Variants in AMOTL1 observed in about 807,000 individuals in gnomAD.
AMOTL1 encodes angiomotin like 1.
AMOTL1 carries 45 observed loss-of-function variants against 102.9 expected under a neutral mutation model. The ratio of observed to expected loss-of-function variants is 0.44; its 90% CI spans 0.34 to 0.56. The LOEUF (loss-of-function observed/expected upper bound fraction) is 0.56. Among genes scored for constraint, AMOTL1 ranks in the 20% least tolerant of loss-of-function variants. The probability of loss-of-function intolerance (pLI) is 0.01; values close to 1 mark genes in which losing one functional copy is unlikely to be tolerated. For missense variants in AMOTL1, 1,114 were observed against 1,225.6 expected, an observed-to-expected ratio of 0.91 and a Z score of 1.36; for synonymous variants, 481 against 484.7, an observed-to-expected ratio of 0.99 and a Z score of 0.10.
intron 3 of AMOTL1, among the ~76,000 whole-genome samples, chr11:94,757,470 T>G (rs1950740294): frequency 6.6e-6 from 1 of 152,160 alleles, no homozygotes; most frequent in South Asian, 2.1e-4. Flanking sequence ...TTTTAAAATC[T>G]GTAACTGCTT....
intron 2 of AMOTL1, among the ~76,000 whole-genome samples, chr11:94,798,007 G>C (rs1279860252): frequency 2.5e-4 from 38 of 152,172 alleles, no homozygotes; most frequent in Non-Finnish European, 7.3e-5. Flanking sequence ...GGGTTTGGAA[G>C]TGGGAATAAG....
At chr11:94,775,672 A>G (rs577962846) in intron 1 of AMOTL1, among the ~76,000 whole-genome samples, 5 of 152,332 alleles carry the variant, frequency 3.3e-5, no homozygotes, top group African/African-American at 4.8e-5. Context: ...CTTAATAGCC[A>G]TTTCCATCAC....
Position 94,831,521 on chromosome 11 carries a change from A to G in AMOTL1, c.1628A>G (p.Glu543Gly), listed in dbSNP as rs1952071696. 6.2e-7 allele frequency: 1 copy of G among 1,613,810 alleles called. No individual in the cohort carries two copies. Among genetic ancestry groups the G allele is most frequent in the African/African-American group, 1.3e-5 (1 of 74,934 alleles). The change falls in exon 6 of 13, where the codon GAG (glutamate) becomes GGG (glycine). Residue 543 changes from glutamate (E) to glycine (G), a missense_variant. Transcript: ENST00000433060. ...GAAGGGCATGAAGACAAAGCTGCAG[A>G]GGGGCATTATGCTTCCCAGAGTGAG... ...EYEGHEDKAA[E>G]GHYASQNKEF... is the part of the protein sequence containing the mutation.
At position 94,850,168 on chromosome 11, in the gene AMOTL1, G is replaced by T; in HGVS notation, c.1703G>T (p.Arg568Leu). 1 of 1,590,406 alleles carries T rather than the reference G, an allele frequency of 6.3e-7. No individual in the cohort carries two copies. The highest frequency in any genetic ancestry group is 1.3e-5 in the African/African-American group (1 of 74,658). Residue 568 changes from arginine to leucine, a missense_variant, in exon 7 of 13, where the codon CGG becomes CTG. Transcript: ENST00000433060. The stretch of plus-strand genomic sequence containing the variant: ...TTAGAAATGGAGTTAGCAGCAGTGC[G>T]GACTGCAAGTGAGGACCATCGGAGA... ...EKLEMELAAV[R>L]TASEDHRRHI... is the part of the protein sequence containing the mutation.
intron 11 of AMOTL1, 39 bp downstream of exon 11, chr11:94,866,207 C>T (rs746050717): frequency 2.5e-6 from 4 of 1,585,038 alleles, no homozygotes; most frequent in Non-Finnish European, 3.5e-6. Flanking sequence ...ATTGGAAAAG[C>T]AAGACCAGAC....
At chr11:94,839,248 G>C (rs1014173754) in intron 6 of AMOTL1, among the ~76,000 whole-genome samples, 1 of 152,240 alleles carries the variant, frequency 6.6e-6, no homozygotes, top group Non-Finnish European at 1.5e-5. Flanking sequence ...CAGACCGGCT[G>C]TGGTCATTTA....
intron 1 of AMOTL1, among the ~76,000 whole-genome samples, chr11:94,792,173 A>C (rs1951295163): frequency 6.6e-6 from 1 of 152,154 alleles, no homozygotes; most frequent in South Asian, 2.1e-4. Flanking sequence ...CTTTGTAGGG[A>C]TATGGGTGAA....
chr11:94,713,046 TTTTTG>T (rs1415902871), intron 1 of AMOTL1, among the ~76,000 whole-genome samples: 2 of 151,848 alleles, frequency 1.3e-5, no homozygotes, highest in Non-Finnish European at 2.9e-5. Context: ...TTTTTTTTGT[TTTTTG>T]TTTTGTTTTG....
chr11:94,802,445 A>G (rs1387351108), intron 3 of AMOTL1, among the ~76,000 whole-genome samples: 6 of 152,220 alleles, frequency 3.9e-5, no homozygotes, highest in Non-Finnish European at 7.3e-5. Context: ...AGTAATATGT[A>G]CATACCGTGC....
chr11:94,793,967 AAGG>A (rs1951324761), intron 1 of AMOTL1, among the ~76,000 whole-genome samples: 1 of 152,240 alleles, frequency 6.6e-6, no homozygotes, highest in Non-Finnish European at 1.5e-5. Flanking sequence ...GAAACTCAGG[AAGG>A]AGATGAGGAC....
At position 94,840,310 on chromosome 11, in the gene AMOTL1, A is replaced by C. The variant is rs1048322722; in HGVS notation, c.1648+8769A>C. ...GGATTCAGAGAACTTTTGAGGGGACAAAGTGTTTGTTTTAAGTCCAGAAAA... is the reference window on the plus strand; with the variant it reads ...GGATTCAGAGAACTTTTGAGGGGACCAAGTGTTTGTTTTAAGTCCAGAAAA... On this transcript the variant is annotated intron_variant, in intron 6 of 12. Coordinates refer to ENST00000433060, the MANE Select transcript of AMOTL1 (RefSeq NM_130847.3). Among the ~76,000 whole-genome samples, 5 of 152,190 alleles carry C rather than the reference A, an allele frequency of 3.3e-5. No individual in the cohort carries two copies. In the South Asian group the frequency reaches 8.3e-4, roughly 25 times the overall value.
intron 6 of AMOTL1, among the ~76,000 whole-genome samples, chr11:94,844,316 C>CCT (rs140827996): frequency 1.3e-5 from 2 of 151,824 alleles, no homozygotes; most frequent in Non-Finnish European, 2.9e-5. Context: ...TGCCTTCATA[C>CCT]CTCTCTCTCT....
intron 2 of AMOTL1, among the ~76,000 whole-genome samples, chr11:94,738,284 G>C (rs1050690775): frequency 6.7e-6 from 1 of 148,452 alleles, no homozygotes; most frequent in African/African-American, 2.5e-5. Flanking sequence ...TTGAGACGGA[G>C]TCTTGCTCTG....
At position 94,768,383 on chromosome 11, in the gene AMOTL1, A is replaced by G. The variant is rs560858609; in HGVS notation, c.-129A>G. ...CGCGCGAGAAGCTCTAGGACCCAGC[A>G]GCGGTTGTCGGGTTTGGGGCTGGAG... On this transcript the variant is annotated 5_prime_UTR_variant, in exon 1 of 13. Coordinates refer to ENST00000433060, the MANE Select transcript of AMOTL1 (RefSeq NM_130847.3). The G allele has an allele frequency of 6.7e-7, 1 of 1,494,808 alleles. No homozygotes were observed. The highest frequency in any genetic ancestry group is 1.3e-5 in the South Asian group (1 of 78,802). 92.6% of individuals were successfully genotyped at this position (1,494,808 alleles called of 1,614,324 possible).
chr11:94,752,702 G>A (rs546623700), intron 3 of AMOTL1, among the ~76,000 whole-genome samples: 7 of 152,300 alleles, frequency 4.6e-5, no homozygotes, highest in Admixed American at 1.3e-4. Context: ...GGGAAGAGTG[G>A]ACACTGAGAC....
At position 94,852,656 on chromosome 11, in the gene AMOTL1, G is replaced by A. The variant is rs1952567626; in HGVS notation, c.1795-1277G>A. Among the ~76,000 whole-genome samples, 3 of 152,176 alleles carry A rather than the reference G, an allele frequency of 2.0e-5. No homozygotes were observed. The South Asian group carries it at 6.2e-4, about 32-fold the overall frequency. On this transcript the variant is annotated intron_variant, in intron 7 of 12. Coordinates refer to ENST00000433060, the MANE Select transcript of AMOTL1 (RefSeq NM_130847.3). ...ATAATTCTAAATCCATAGCTGATGT[G>A]ACATTTCCATAAATTATTTTAACCT...
chr11:94,859,744 A>G, intron 9 of AMOTL1, 29 bp downstream of exon 9: 2 of 1,558,720 alleles, frequency 1.3e-6, no homozygotes, highest in Non-Finnish European at 1.7e-6. Flanking sequence ...TGGTGGTCAT[A>G]AAAGCACAGT....
intron 1 of AMOTL1, among the ~76,000 whole-genome samples, chr11:94,720,467 G>C (rs1186419664): frequency 6.6e-6 from 1 of 152,090 alleles, no homozygotes; most frequent in African/African-American, 2.4e-5. Flanking sequence ...CTTTCATCTG[G>C]AGAATCACTT....
intron 2 of AMOTL1, chr11:94,740,485 G>A (rs888676276): frequency 2.6e-5 from 4 of 151,878 alleles, no homozygotes; most frequent in African/African-American, 9.7e-5. Context: ...GGGGCGCCTG[G>A]GTGGGCGAGG....
Sources: gnomAD v4.1 joint callset for allele counts (sites outside exome capture counted in the v4.1 genomes callset) on GRCh38, gnomAD v4.1.1 for gene constraint, MANE v1.5 for transcripts, NCBI Gene and HGNC (gene_info 2026-07-23, HGNC 2026-07-21) for gene names.